The following RIC8B variants were observed in gnomAD, a reference collection of about 807,000 sequenced individuals.
The protein encoded by RIC8B is chaperone Ric-8B.
A neutral mutation model predicts 57.5 loss-of-function variants in RIC8B; 16 were observed. That is an observed-to-expected ratio of 0.28 (90% CI 0.19 to 0.42). RIC8B has a LOEUF of 0.42. Ranked by LOEUF, RIC8B falls within the 10% of genes least tolerant of loss-of-function variation. RIC8B has a pLI of 1.00. For missense variants in RIC8B, 481 were observed against 677.0 expected (o/e 0.71, Z 3.21); for synonymous variants, 216 against 250.8 (o/e 0.86, Z 1.31).
chr12:106,858,126 T>G, intron 7 of RIC8B, among the ~76,000 whole-genome samples: 1 of 152,204 alleles, frequency 6.6e-6, no homozygotes, highest in Non-Finnish European at 1.5e-5. Flanking sequence ...TACTTCTGTT[T>G]AACCTATTTT....
At position 106,835,042 on chromosome 12, in the gene RIC8B, C is replaced by T. The variant is rs533086708; in HGVS notation, c.837-7547C>T. Reference sequence around the variant, plus strand: ...TCTTTTCTTCCCACACCCAGTAGATCATCTTATGTACCTCCAGGGTTGTAT... The same window carrying T: ...TCTTTTCTTCCCACACCCAGTAGATTATCTTATGTACCTCCAGGGTTGTAT... On this transcript the variant is annotated intron_variant, in intron 4 of 9. Transcript: ENST00000392837. 1.7e-3 allele frequency among the ~76,000 whole-genome samples: 242 copies of T among 145,128 alleles called. 1 individual carries two copies. The highest frequency in any genetic ancestry group is 5.8e-3 in the African/African-American group (228 of 39,368).
At chr12:106,783,512 G>A (rs911937817) in intron 1 of RIC8B, among the ~76,000 whole-genome samples, 1 of 152,214 alleles carries the variant, frequency 6.6e-6, no homozygotes, top group African/African-American at 2.4e-5. Flanking sequence ...AGCATCGGAA[G>A]GCCCTTCCAA....
intron 3 of RIC8B, among the ~76,000 whole-genome samples, chr12:106,817,487 T>C (rs1163625482): frequency 6.6e-6 from 1 of 151,988 alleles, no homozygotes; most frequent in Non-Finnish European, 1.5e-5. Context: ...GACCAAAACA[T>C]AGAGTACTTT....
intron 9 of RIC8B, among the ~76,000 whole-genome samples, chr12:106,873,775 A>G (rs1566173583): frequency 6.6e-6 from 1 of 152,238 alleles, no homozygotes; most frequent in Non-Finnish European, 1.5e-5. Flanking sequence ...ATGCAGGAAA[A>G]GGAGTAGTTC....
rs1239585075 is a variant in RIC8B, at chr12:106,798,047, A to G, written c.132+14003A>G. 4 of 717,002 alleles carry G rather than the reference A, an allele frequency of 5.6e-6. No homozygotes were observed. In the African/African-American group the frequency reaches 7.0e-5, roughly 13 times the overall value. The allele number at this position is 717,002 out of a possible 1,614,324, so 44.4% of individuals were successfully genotyped here. ...TAAACTAGTTATAGCGTTGACAGAA[A>G]ACAGAAGATCATGCTTGCCAGTGTA... is the stretch of plus-strand genomic sequence containing the variant. On this transcript the variant is annotated intron_variant, in intron 2 of 9. Transcript: ENST00000392837.
chr12:106,849,921 A>G (rs1949390192), intron 6 of RIC8B, among the ~76,000 whole-genome samples: 1 of 152,218 alleles, frequency 6.6e-6, no homozygotes, highest in South Asian at 2.1e-4. Context: ...CAGGGAAGAA[A>G]TCAACAATGG....
chr12:106,826,428 G>T (rs1029069270), intron 4 of RIC8B, among the ~76,000 whole-genome samples: 1 of 152,184 alleles, frequency 6.6e-6, no homozygotes, highest in Non-Finnish European at 1.5e-5. Flanking sequence ...AAAAAAACTT[G>T]TAAGAATTAG....
chr12:106,863,683 C>T (rs1257511014), intron 8 of RIC8B, among the ~76,000 whole-genome samples: 1 of 152,064 alleles, frequency 6.6e-6, no homozygotes, highest in Non-Finnish European at 1.5e-5. Flanking sequence ...GAACCTGTTA[C>T]TGTAAGCAGT....
At chr12:106,863,112 T>C (rs1043734931) in intron 8 of RIC8B, among the ~76,000 whole-genome samples, 1 of 152,142 alleles carries the variant, frequency 6.6e-6, no homozygotes, top group Non-Finnish European at 1.5e-5. Context: ...AACTGGCTGG[T>C]ATGGTTTATA....
At chr12:106,832,043 G>T (rs1280382856) in intron 4 of RIC8B, among the ~76,000 whole-genome samples, 1 of 152,060 alleles carries the variant, frequency 6.6e-6, no homozygotes, top group Non-Finnish European at 1.5e-5. Flanking sequence ...TCTACTGCGT[G>T]GAATCCTTTT....
chr12:106,779,868 C>CTTTTTTTTTTTTTTTTTTT, intron 1 of RIC8B, among the ~76,000 whole-genome samples: 1 of 98,970 alleles, frequency 1.0e-5, no homozygotes, highest in Non-Finnish European at 2.0e-5. Context: ...GGGGCCTGTT[C>CTTTTTTTTTTTTTTTTTTT]TTTTTTTTTT....
At chr12:106,784,177 A>G (rs1566031049) in intron 2 of RIC8B, 133 bp downstream of exon 2, 1 of 821,984 alleles carries the variant, frequency 1.2e-6, no homozygotes, top group South Asian at 1.8e-5. Flanking sequence ...GTTTTTTAGG[A>G]ACCCTGAGAA....
At chr12:106,851,625 T>A in intron 7 of RIC8B, 31 bp downstream of exon 7, 1 of 1,596,540 alleles carries the variant, frequency 6.3e-7, no homozygotes, top group Non-Finnish European at 8.6e-7. Flanking sequence ...CTCTGCCTTT[T>A]ATCTTTCAGA....
At chr12:106,824,766 G>A (rs545939256) in intron 3 of RIC8B, among the ~76,000 whole-genome samples, 219 of 152,036 alleles carry the variant, frequency 1.4e-3, no homozygotes, top group Non-Finnish European at 2.6e-3. Flanking sequence ...AATTAGCTGG[G>A]TGTGGTGGCG....
At chr12:106,782,643 G>C (rs541969483) in intron 1 of RIC8B, among the ~76,000 whole-genome samples, 1 of 152,082 alleles carries the variant, frequency 6.6e-6, no homozygotes, top group South Asian at 2.1e-4. Flanking sequence ...ATCTATATTC[G>C]AGGCAGCCTC....
Position 106,777,582 on chromosome 12 carries a change from T to C in RIC8B, c.84+2753T>C, listed in dbSNP as rs559702767. Among the ~76,000 whole-genome samples the C allele has an allele frequency of 2.0e-5, 3 of 152,302 alleles. No individual in the cohort carries two copies. In the South Asian group the frequency reaches 6.2e-4, roughly 32 times the overall value. On this transcript the variant is annotated intron_variant, in intron 1 of 9. Coordinates refer to ENST00000392837, the MANE Select transcript of RIC8B (RefSeq NM_001330145.2). ...TGGAGAGGTTCTTTATGCTACCTTATACCTCTAATAAAGCTAGTCCTTGAA... is the reference window on the plus strand; with the variant it reads ...TGGAGAGGTTCTTTATGCTACCTTACACCTCTAATAAAGCTAGTCCTTGAA...
intron 4 of RIC8B, among the ~76,000 whole-genome samples, chr12:106,840,327 A>G (rs376473397): frequency 6.6e-6 from 1 of 152,190 alleles, no homozygotes; most frequent in Non-Finnish European, 1.5e-5. Flanking sequence ...TTGAATCTGC[A>G]TATCAGGAGG....
At chr12:106,872,149 A>C (rs2136606582) in intron 9 of RIC8B, among the ~76,000 whole-genome samples, 1 of 152,370 alleles carries the variant, frequency 6.6e-6, no homozygotes, top group Middle Eastern at 3.4e-3. Context: ...TTCAAAAGAC[A>C]TTGTTGCCTC....
chr12:106,849,466 T>TA lies in RIC8B; in HGVS notation c.1162-1973dup, dbSNP rs550935865. Among the ~76,000 whole-genome samples the TA allele has an allele frequency of 9.7e-3, 1,355 of 140,044 alleles. 3 individuals carry two copies. Among genetic ancestry groups the TA allele is most frequent in the Admixed American group, 0.014 (201 of 14,078 alleles). 91.9% of individuals were successfully genotyped at this position (140,044 alleles called of 152,430 possible). ...CCATGCCCGGCCAAAAATTAAAAAT[T>TA]AAAAAAAAAAACTACAAAAAAAAAT... On this transcript the variant is annotated intron_variant, in intron 6 of 9. Coordinates refer to ENST00000392837, the MANE Select transcript of RIC8B (RefSeq NM_001330145.2).
Sources: allele counts gnomAD v4.1 joint callset (sites outside exome capture counted in the v4.1 genomes callset), GRCh38; gene constraint gnomAD v4.1.1; transcripts MANE v1.5; gene names NCBI Gene and HGNC (gene_info 2026-07-23, HGNC 2026-07-21).